CCNY: variants seen among roughly 807,000 people sequenced by gnomAD.
The protein encoded by CCNY is cyclin-Y.
In CCNY, 19 loss-of-function variants were observed where a neutral mutation model predicts 42.8. The observed-to-expected ratio is 0.44, with a 90% CI of 0.31 to 0.65. The LOEUF (loss-of-function observed/expected upper bound fraction) is 0.65. CCNY is among the 30% of genes least tolerant of loss of function. The pLI is 0.07. For synonymous variants in CCNY, 165 were observed against 162.7 expected, an observed-to-expected ratio of 1.01 and a Z score of -0.11; for missense variants, 370 against 437.3, an observed-to-expected ratio of 0.85 and a Z score of 1.37.
chr10:35,332,571 TAA>T (rs1284315007), upstream of CCNY: 2 of 152,238 alleles, frequency 1.3e-5, no homozygotes, highest in Non-Finnish European at 1.5e-5. Flanking sequence ...CTACTATTGC[TAA>T]AAAAGTGTCA....
intron 1 of CCNY, among the ~76,000 whole-genome samples, chr10:35,479,610 G>T (rs1349466407): frequency 7.7e-6 from 1 of 129,322 alleles, no homozygotes; most frequent in Non-Finnish European, 1.6e-5. Context: ...CTGTTGTGGG[G>T]TGGGGGGAGG....
chr10:35,450,284 G>T (rs762790141), intron 1 of CCNY, among the ~76,000 whole-genome samples: 1 of 152,058 alleles, frequency 6.6e-6, no homozygotes, highest in Non-Finnish European at 1.5e-5. Flanking sequence ...TTGAGAGCAG[G>T]GAGTCCTTTT....
At chr10:35,399,018 T>G (rs1316799300) in intron 1 of CCNY, among the ~76,000 whole-genome samples, 3 of 152,212 alleles carry the variant, frequency 2.0e-5, no homozygotes, top group African/African-American at 4.8e-5. Flanking sequence ...AGCGTAGGCT[T>G]GTAGCAGACT....
At chr10:35,529,915 T>G (rs1170520221) in intron 5 of CCNY, 58 bp from the exon 6 acceptor site, 2 of 1,468,748 alleles carry the variant, frequency 1.4e-6, no homozygotes, top group Non-Finnish European at 1.9e-6. Context: ...ATTTTTGTTT[T>G]ATTTGAATGA....
chr10:35,488,697 C>G (rs2135374885), intron 2 of CCNY, among the ~76,000 whole-genome samples: 1 of 152,276 alleles, frequency 6.6e-6, no homozygotes, highest in Non-Finnish European at 1.5e-5. Flanking sequence ...TTTTTTTACC[C>G]TATCAAAGCA....
At chr10:35,467,882 T>C (rs981201432) in intron 1 of CCNY, among the ~76,000 whole-genome samples, 2 of 152,346 alleles carry the variant, frequency 1.3e-5, no homozygotes, top group East Asian at 3.9e-4. Flanking sequence ...TTCTATACAA[T>C]GCCTAACTCT....
intron 1 of CCNY, among the ~76,000 whole-genome samples, chr10:35,458,896 T>G (rs1839095982): frequency 6.6e-6 from 1 of 152,214 alleles, no homozygotes; most frequent in Non-Finnish European, 1.5e-5. Context: ...AGAGTGTCCT[T>G]TCTCAGCCCT....
chr10:35,507,542 G>A (rs184915207), intron 3 of CCNY, among the ~76,000 whole-genome samples: 2 of 152,222 alleles, frequency 1.3e-5, no homozygotes, highest in Admixed American at 6.5e-5. Flanking sequence ...TATTCTCTGT[G>A]TAACCACAAT....
At chr10:35,360,590 A>T (rs1393148537) in intron 1 of CCNY, among the ~76,000 whole-genome samples, 2 of 152,000 alleles carry the variant, frequency 1.3e-5, no homozygotes, top group Non-Finnish European at 2.9e-5. Context: ...CCTAAATTTT[A>T]TCTTTTAAAA....
At chr10:35,516,861 T>G (rs996296423) in intron 4 of CCNY, among the ~76,000 whole-genome samples, 53 of 152,034 alleles carry the variant, frequency 3.5e-4, no homozygotes, top group Non-Finnish European at 5.0e-4. Flanking sequence ...TATTTTTACA[T>G]AGTACTATTT....
At chr10:35,556,943 C>T (rs947847938) in intron 8 of CCNY, among the ~76,000 whole-genome samples, 19 of 151,518 alleles carry the variant, frequency 1.3e-4, no homozygotes, top group African/African-American at 4.6e-4. Flanking sequence ...TTCCCGGGTT[C>T]AAGCAATTCT....
At chr10:35,469,101 C>T (rs1455931529) in intron 1 of CCNY, among the ~76,000 whole-genome samples, 1 of 152,228 alleles carries the variant, frequency 6.6e-6, no homozygotes, top group African/African-American at 2.4e-5. Context: ...TGCCAGATCA[C>T]TGGTGTGAAC....
At chr10:35,436,663 G>A (rs1232993987) in intron 1 of CCNY, among the ~76,000 whole-genome samples, 5 of 152,148 alleles carry the variant, frequency 3.3e-5, no homozygotes, top group Non-Finnish European at 7.3e-5. Flanking sequence ...CCTTAAATAC[G>A]TTACCTTTTT....
Position 35,509,999 on chromosome 10 carries a change from G to C in CCNY, c.265-6524G>C, listed in dbSNP as rs186428166. On this transcript the variant is annotated intron_variant, in intron 3 of 9. Coordinates refer to ENST00000374704, the MANE Select transcript of CCNY (RefSeq NM_145012.6). The stretch of plus-strand genomic sequence containing the variant: ...ACTTCTGCACTCCAGCAGGCCTTTC[G>C]TTCATTCCTAGTCAAGGAATGCCAG... 1.9e-3 allele frequency among the ~76,000 whole-genome samples: 284 copies of C among 152,082 alleles called. 1 individual carries two copies. The highest frequency in any genetic ancestry group is 6.5e-3 in the African/African-American group (268 of 41,480).
chr10:35,571,855 G>A lies in CCNY; in HGVS notation c.*2685G>A, dbSNP rs1841691898. The A allele has an allele frequency of 1.3e-5, 2 of 152,242 alleles. No homozygotes were observed. The highest frequency in any genetic ancestry group is 6.5e-5 in the Admixed American group (1 of 15,268). The allele number at this position is 152,242 out of a possible 1,614,324, so 9.4% of individuals were successfully genotyped here. Reference sequence around the variant, plus strand: ...TTTTGTCATTAAGGATGAAGGAAACGACACAATTTGTTACTTTAATTTTAT... The same window carrying A: ...TTTTGTCATTAAGGATGAAGGAAACAACACAATTTGTTACTTTAATTTTAT... On this transcript the variant is annotated 3_prime_UTR_variant, in exon 10 of 10. Transcript: ENST00000374704.
intron 7 of CCNY, among the ~76,000 whole-genome samples, chr10:35,552,787 A>G (rs762281826): frequency 6.6e-6 from 1 of 152,198 alleles, no homozygotes; most frequent in Non-Finnish European, 1.5e-5. Context: ...TGTTTCCTCC[A>G]CAGAGTCTGT....
intron 1 of CCNY, among the ~76,000 whole-genome samples, chr10:35,482,770 G>GTGTT (rs1839699574): frequency 6.7e-6 from 1 of 148,992 alleles, no homozygotes; most frequent in Non-Finnish European, 1.5e-5. Flanking sequence ...GTGTGTGTGT[G>GTGTT]TGTGTGTGTG....
At chr10:35,443,360 G>A (rs998041686) in intron 1 of CCNY, among the ~76,000 whole-genome samples, 4 of 152,068 alleles carry the variant, frequency 2.6e-5, no homozygotes, top group Non-Finnish European at 5.9e-5. Flanking sequence ...CAAACACATT[G>A]GATAGCTGTA....
At chr10:35,473,635 C>T (rs1381063441) in intron 1 of CCNY, among the ~76,000 whole-genome samples, 5 of 152,164 alleles carry the variant, frequency 3.3e-5, no homozygotes, top group Non-Finnish European at 7.3e-5. Flanking sequence ...GAATAATAAA[C>T]TGTTAGAGCT....
Sources: gnomAD v4.1 joint callset for allele counts (sites outside exome capture counted in the v4.1 genomes callset) on GRCh38, gnomAD v4.1.1 for gene constraint, MANE v1.5 for transcripts, NCBI Gene and HGNC (gene_info 2026-07-23, HGNC 2026-07-21) for gene names.